The following GKAP1 variants were observed in gnomAD, a reference collection of about 807,000 sequenced individuals.
GKAP1 encodes G kinase-anchoring protein 1.
In GKAP1, 31 loss-of-function variants were observed where a neutral mutation model predicts 56.7. That is an observed-to-expected ratio of 0.55 (90% CI 0.41 to 0.74). The LOEUF (loss-of-function observed/expected upper bound fraction) is 0.74. Among genes scored for constraint, GKAP1 ranks in the 30% least tolerant of loss-of-function variants. The pLI is 0.00. For missense variants in GKAP1, 364 were observed against 402.3 expected, an observed-to-expected ratio of 0.90 and a Z score of 0.82; for synonymous variants, 151 against 138.6, an observed-to-expected ratio of 1.09 and a Z score of -0.63.
At chr9:83,779,700 TAAG>T in intron 7 of GKAP1, among the ~76,000 whole-genome samples, 1 of 150,394 alleles carries the variant, frequency 6.6e-6, no homozygotes, top group Non-Finnish European at 1.5e-5. Context: ...GAATGCCTAA[TAAG>T]AACACATATA....
chr9:83,791,168 C>T (rs759421571), intron 4 of GKAP1, among the ~76,000 whole-genome samples: 10 of 152,024 alleles, frequency 6.6e-5, no homozygotes, highest in East Asian at 5.8e-4. Context: ...TTTGGGAGGC[C>T]GAGACAGGCA....
At chr9:83,785,368 C>G (rs1358215805) in intron 5 of GKAP1, among the ~76,000 whole-genome samples, 2 of 151,904 alleles carry the variant, frequency 1.3e-5, no homozygotes, top group African/African-American at 4.8e-5. Context: ...TGCTTTATAC[C>G]CACTGCTCTT....
chr9:83,784,880 C>T, intron 5 of GKAP1, 42 bp from the exon 6 acceptor site: 5 of 1,448,998 alleles, frequency 3.5e-6, no homozygotes, highest in Non-Finnish European at 4.6e-6. Context: ...AGTTTACAAA[C>T]TGTAAAATAA....
At chr9:83,756,918 T>G (rs1943487559) in intron 8 of GKAP1, among the ~76,000 whole-genome samples, 1 of 152,238 alleles carries the variant, frequency 6.6e-6, no homozygotes. Flanking sequence ...TATACTCATT[T>G]TCAATGAAGT....
At chr9:83,788,026 C>T (rs1475710200) in intron 5 of GKAP1, among the ~76,000 whole-genome samples, 1 of 152,058 alleles carries the variant, frequency 6.6e-6, no homozygotes, top group South Asian at 2.1e-4. Flanking sequence ...ACCTGTAATC[C>T]CAGCACTTTG....
Position 83,788,625 on chromosome 9 carries a change from T to C in GKAP1, c.414A>G (p.Lys138=), listed in dbSNP as rs1294271129. 3 of 1,599,390 alleles carry C rather than the reference T, an allele frequency of 1.9e-6. No individual in the cohort carries two copies. The highest frequency in any genetic ancestry group is 2.6e-6 in the Non-Finnish European group (3 of 1,171,108). ...ADLEKALLLS[K]LEYEEHKKEY... ...CCTTTTTGTGCTCTTCATATTCTAG[T>C]TTACTTAGTAACAATGCCTTCTCAA... Residue 138 remains lysine, a synonymous_variant, in exon 5 of 13, where the codon AAA becomes AAG. Transcript: ENST00000376371.
intron 2 of GKAP1, among the ~76,000 whole-genome samples, chr9:83,813,520 C>A (rs1944540532): frequency 6.6e-6 from 1 of 152,128 alleles, no homozygotes; most frequent in Non-Finnish European, 1.5e-5. Context: ...ACTTGGGAGA[C>A]TGAAGCAGGA....
At chr9:83,812,472 A>G (rs1015217123) in intron 2 of GKAP1, among the ~76,000 whole-genome samples, 5 of 151,054 alleles carry the variant, frequency 3.3e-5, no homozygotes, top group African/African-American at 2.4e-5. Context: ...CTCGGCCTCC[A>G]GAGTAGCTGG....
Position 83,739,602 on chromosome 9 carries a change from C to T in GKAP1, c.*95G>A, listed in dbSNP as rs2131218115. 6.7e-6 allele frequency: 6 copies of T among 893,240 alleles called. No individual in the cohort carries two copies. The highest frequency in any genetic ancestry group is 1.0e-5 in the Non-Finnish European group (6 of 586,672). The allele number at this position is 893,240 out of a possible 1,614,324, so 55.3% of individuals were successfully genotyped here. ...TTGCTTTTAGTTCCTTCAAGAAAAA[C>T]TGCATAGTTTAGCAGTTGCACAGCA... On this transcript the variant is annotated 3_prime_UTR_variant, in exon 13 of 13. Coordinates refer to ENST00000376371, the MANE Select transcript of GKAP1 (RefSeq NM_025211.4).
At chr9:83,808,991 CT>C (rs1944473640) in intron 2 of GKAP1, among the ~76,000 whole-genome samples, 1 of 152,232 alleles carries the variant, frequency 6.6e-6, no homozygotes, top group African/African-American at 2.4e-5. Flanking sequence ...CCTTACTAAC[CT>C]GTGGTGGACA....
chr9:83,759,001 A>C (rs942821170), intron 8 of GKAP1, among the ~76,000 whole-genome samples: 3 of 152,104 alleles, frequency 2.0e-5, no homozygotes, highest in African/African-American at 7.2e-5. Flanking sequence ...AAAAACTTCT[A>C]ATTTTTTCAT....
chr9:83,744,743 C>T (rs1013223705), intron 10 of GKAP1, among the ~76,000 whole-genome samples: 14 of 152,006 alleles, frequency 9.2e-5, no homozygotes, highest in African/African-American at 3.1e-4. Context: ...TAAAGAACTG[C>T]CTGAGAATGG....
rs368678742 is a variant in GKAP1, at chr9:83,784,719, C to A, written c.558G>T (p.Ser186=). The change falls in exon 6 of 13, where the codon TCG becomes TCT. Residue 186 remains serine (S), a synonymous_variant. Transcript: ENST00000376371. The part of the protein sequence containing the change: ...PLTVSLKDFH[S]EDHISKKTEE... ...ATAGCATTGTATATACATTACCTTC[C>A]GAATGAAAATCTTTTAGTGATACTG... 25 of 1,584,688 alleles carry A rather than the reference C, an allele frequency of 1.6e-5. No individual in the cohort carries two copies. The South Asian group carries it at 1.6e-4, about 10-fold the overall frequency.
chr9:83,812,290 C>CGTATATATATACGTATACATATATAT (rs1564218594), intron 2 of GKAP1, among the ~76,000 whole-genome samples: 2 of 144,576 alleles, frequency 1.4e-5, no homozygotes, highest in African/African-American at 2.6e-5. Flanking sequence ...CACATATATA[C>CGTATATATATACGTATACATATATAT]GTATATATAT....
intron 8 of GKAP1, among the ~76,000 whole-genome samples, chr9:83,767,859 G>A (rs1257247124): frequency 2.0e-5 from 3 of 151,294 alleles, no homozygotes; most frequent in Non-Finnish European, 4.4e-5. Flanking sequence ...GCTAATTTTT[G>A]TATTTTTAGT....
At position 83,800,342 on chromosome 9, in the gene GKAP1, G is replaced by GT. The variant is rs141368354; in HGVS notation, c.217-1015dup. 4.0e-3 allele frequency among the ~76,000 whole-genome samples: 485 copies of GT among 122,320 alleles called. 1 individual carries two copies. The highest frequency in any genetic ancestry group is 5.1e-3 in the East Asian group (21 of 4,158). 80.2% of individuals were successfully genotyped at this position (122,320 alleles called of 152,430 possible). ...AGCTGCCTCCTTACGTTTTTTTTTT[G>GT]TTTTTTTTTTTTTTGGCAGAGTCTC... On this transcript the variant is annotated intron_variant, in intron 3 of 12. Transcript: ENST00000376371.
chr9:83,815,970 G>A (rs1468461067), intron 2 of GKAP1, among the ~76,000 whole-genome samples: 2 of 149,810 alleles, frequency 1.3e-5, no homozygotes, highest in Admixed American at 6.7e-5. Flanking sequence ...GGCAGATCAC[G>A]AGGTCAGGAG....
chr9:83,765,070 G>A (rs761978128), intron 8 of GKAP1, among the ~76,000 whole-genome samples: 4 of 152,202 alleles, frequency 2.6e-5, no homozygotes, highest in Non-Finnish European at 4.4e-5. Flanking sequence ...GGAAGCCTAG[G>A]AGGGAAAATT....
At position 83,799,266 on chromosome 9, in the gene GKAP1, T is replaced by C. The variant is rs1168950341; in HGVS notation, c.279A>G (p.Gln93=). 1.2e-6 allele frequency: 2 copies of C among 1,608,810 alleles called. No homozygotes were observed. The highest frequency in any genetic ancestry group is 4.5e-5 in the East Asian group (2 of 44,556). ...QKSSHAVCNA[Q]HDLPLSNPVQ... is the part of the protein sequence containing the mutation. ...CTGGGTTTGACAATGGAAGATCATGTTGAGCGTTACAAACAGCATGGGAGG... is the reference window on the plus strand; with the variant it reads ...CTGGGTTTGACAATGGAAGATCATGCTGAGCGTTACAAACAGCATGGGAGG... Residue 93 remains glutamine (Q), a synonymous_variant, in exon 4 of 13, where the codon CAA becomes CAG. Transcript: ENST00000376371.
Sources: allele counts gnomAD v4.1 joint callset (sites outside exome capture counted in the v4.1 genomes callset), GRCh38; gene constraint gnomAD v4.1.1; transcripts MANE v1.5; gene names NCBI Gene and HGNC (gene_info 2026-07-23, HGNC 2026-07-21).